The following PRR11 variants were observed in gnomAD, a reference collection of about 807,000 sequenced individuals.
The protein encoded by PRR11 is proline rich 11, also known as proline-rich protein 11.
PRR11 carries 30 observed loss-of-function variants against 45.6 expected under a neutral mutation model. The ratio of observed to expected loss-of-function variants is 0.66; its 90% CI spans 0.49 to 0.89. PRR11 has a LOEUF of 0.89. Ranked by LOEUF, PRR11 falls within the 40% of genes least tolerant of loss-of-function variation. The pLI, the probability that PRR11 is intolerant of heterozygous loss-of-function variation, is 0.00. For missense variants in PRR11, 373 were observed against 424.8 expected (o/e 0.88, Z 1.07); for synonymous variants, 128 against 153.5 (o/e 0.83, Z 1.23).
At chr17:59,196,661 G>A (rs1237978696) in intron 7 of PRR11, among the ~76,000 whole-genome samples, 1 of 152,026 alleles carries the variant, frequency 6.6e-6, no homozygotes, top group East Asian at 1.9e-4. Context: ...TCAGGGGTGA[G>A]CCACTGCGCC....
intron 2 of PRR11, among the ~76,000 whole-genome samples, chr17:59,172,890 G>A (rs1003082029): frequency 6.6e-6 from 1 of 152,240 alleles, no homozygotes; most frequent in African/African-American, 2.4e-5. Context: ...CCCGCCCAAG[G>A]GCTGAGGAGT....
rs529867760 is a variant in PRR11, at chr17:59,178,861, A to G, written c.129-6193A>G. 7.9e-5 allele frequency among the ~76,000 whole-genome samples: 12 copies of G among 152,334 alleles called. No individual in the cohort carries two copies. The South Asian group carries it at 1.9e-3, about 24-fold the overall frequency. On this transcript the variant is annotated intron_variant, in intron 2 of 9. Coordinates refer to ENST00000262293, the MANE Select transcript of PRR11 (RefSeq NM_018304.4). ...CCCATCATTTCCTCATGAGACAGTC[A>G]CATCAGGGTGTGACTATGGCCTAGG...
chr17:59,186,413 T>TTTTTTA (rs2046814537), intron 4 of PRR11, among the ~76,000 whole-genome samples: 1 of 125,204 alleles, frequency 8.0e-6, no homozygotes, highest in African/African-American at 3.2e-5. Context: ...TTTTTTTTTT[T>TTTTTTA]TAGACAGAAT....
chr17:59,158,496 A>G (rs1365443368), intron 1 of PRR11, among the ~76,000 whole-genome samples: 1 of 152,228 alleles, frequency 6.6e-6, no homozygotes, highest in Non-Finnish European at 1.5e-5. Context: ...AGAGTAAAGT[A>G]TCATGATGTC....
chr17:59,206,072 A>G lies in PRR11; in HGVS notation c.*4441A>G, dbSNP rs1253304769. 2.6e-5 allele frequency among the ~76,000 whole-genome samples: 4 copies of G among 151,192 alleles called. No individual in the cohort carries two copies. The highest frequency in any genetic ancestry group is 5.9e-5 in the Non-Finnish European group (4 of 67,838). On this transcript the variant is annotated 3_prime_UTR_variant, in exon 10 of 10. Coordinates refer to ENST00000262293, the MANE Select transcript of PRR11 (RefSeq NM_018304.4). ...TCTCAAAAAAAAAAGAAAGAAAAAG[A>G]AAAATGCTTTATGGCCCAGTGCAGT...
chr17:59,164,303 C>T (rs1432113010), intron 1 of PRR11, among the ~76,000 whole-genome samples: 23 of 152,074 alleles, frequency 1.5e-4, no homozygotes. Context: ...AAGCTGTTTC[C>T]CCTAGATTTT....
At chr17:59,172,757 C>G (rs1446115218) in intron 2 of PRR11, among the ~76,000 whole-genome samples, 1 of 152,352 alleles carries the variant, frequency 6.6e-6, no homozygotes, top group East Asian at 1.9e-4. Context: ...GCTGCCTCCC[C>G]GTGGGGCAGG....
At chr17:59,174,408 C>T (rs1384408190) in intron 2 of PRR11, among the ~76,000 whole-genome samples, 2 of 152,214 alleles carry the variant, frequency 1.3e-5, no homozygotes, top group Non-Finnish European at 2.9e-5. Context: ...TGAACCAAAG[C>T]TTCACTGAAC....
At chr17:59,179,567 C>T in intron 2 of PRR11, 5 of 1,451,476 alleles carry the variant, frequency 3.4e-6, no homozygotes, top group Non-Finnish European at 4.6e-6. Flanking sequence ...CATATTTTTC[C>T]CATTGGAAAA....
At chr17:59,184,897 A>G (rs1208465974) in intron 2 of PRR11, among the ~76,000 whole-genome samples, 157 bp from the exon 3 acceptor site, 5 of 101,552 alleles carry the variant, frequency 4.9e-5, no homozygotes, top group Non-Finnish European at 9.0e-5. Flanking sequence ...GGGTTTTGCC[A>G]TGTTGCCGAG....
chr17:59,166,971 G>T (rs1463313820), intron 1 of PRR11, among the ~76,000 whole-genome samples: 1 of 152,114 alleles, frequency 6.6e-6, no homozygotes, highest in Non-Finnish European at 1.5e-5. Flanking sequence ...AGACGATCCT[G>T]GCTAACATGG....
chr17:59,160,024 C>T (rs1015910336), intron 1 of PRR11, among the ~76,000 whole-genome samples: 1 of 151,858 alleles, frequency 6.6e-6, no homozygotes, highest in Non-Finnish European at 1.5e-5. Flanking sequence ...CAAGTTATCA[C>T]TATATGTTGT....
intron 2 of PRR11, among the ~76,000 whole-genome samples, chr17:59,173,410 A>G (rs1030736624): frequency 1.3e-5 from 2 of 152,088 alleles, no homozygotes; most frequent in African/African-American, 4.8e-5. Context: ...GCTACTGGTC[A>G]CTCTTTGGGT....
rs991131651 is a variant in PRR11, at chr17:59,177,404, G to A, written c.128+7524G>A. ...GACTGTGCTCATGTGGAAATTGCGG[G>A]GTGGTGGGGTATTTGAAGGTCGGAT... is the stretch of plus-strand genomic sequence containing the variant. On this transcript the variant is annotated intron_variant, in intron 2 of 9. Transcript: ENST00000262293. The A allele has an allele frequency of 4.3e-5, 20 of 469,016 alleles. 1 individual carries two copies. In the Admixed American group the frequency reaches 5.1e-4, roughly 12 times the overall value. The allele number at this position is 469,016 out of a possible 1,614,324, so 29.1% of individuals were successfully genotyped here. A position where few individuals can be genotyped will look rare whatever the true frequency, so the allele number is the denominator to read the frequency against.
chr17:59,173,823 G>A (rs570524389), intron 2 of PRR11, among the ~76,000 whole-genome samples: 6 of 152,266 alleles, frequency 3.9e-5, no homozygotes, highest in African/African-American at 1.4e-4. Context: ...TAGATGATCT[G>A]CACAAATGGC....
intron 9 of PRR11, among the ~76,000 whole-genome samples, chr17:59,200,451 G>A (rs2046886786): frequency 1.3e-5 from 2 of 151,594 alleles, no homozygotes; most frequent in African/African-American, 4.8e-5. Flanking sequence ...AATAAATTAG[G>A]ACTTTTTTTT....
intron 1 of PRR11, among the ~76,000 whole-genome samples, chr17:59,160,544 A>G (rs1479817170): frequency 1.3e-5 from 2 of 151,838 alleles, no homozygotes; most frequent in Non-Finnish European, 2.9e-5. Flanking sequence ...AAGTGCTGGA[A>G]TTACAGGCGT....
chr17:59,187,090 CA>C lies in PRR11; in HGVS notation c.402+1532del, dbSNP rs577875925. ...CTATAATCCCAGCAGTTTGGGAGGC[CA>C]AAACAGGCAGATCATCTGAGATCAG... On this transcript the variant is annotated intron_variant, in intron 4 of 9. Coordinates refer to ENST00000262293, the MANE Select transcript of PRR11 (RefSeq NM_018304.4). Among the ~76,000 whole-genome samples, 31 of 152,140 alleles carry C rather than the reference CA, an allele frequency of 2.0e-4. No homozygotes were observed. The South Asian group carries it at 6.4e-3, about 32-fold the overall frequency.
intron 2 of PRR11, among the ~76,000 whole-genome samples, chr17:59,172,687 G>A (rs1264856840): frequency 2.0e-5 from 3 of 152,256 alleles, no homozygotes; most frequent in Non-Finnish European, 2.9e-5. Flanking sequence ...CAGGGGGTGC[G>A]CGGGGTCACC....
Sources: allele counts gnomAD v4.1 joint callset (sites outside exome capture counted in the v4.1 genomes callset), GRCh38; gene constraint gnomAD v4.1.1; transcripts MANE v1.5; gene names NCBI Gene and HGNC (gene_info 2026-07-23, HGNC 2026-07-21).